The following FHIT variants were observed in gnomAD, a reference collection of about 807,000 sequenced individuals.
The protein encoded by FHIT is fragile histidine triad diadenosine triphosphatase.
A neutral mutation model predicts 17.9 loss-of-function variants in FHIT; 19 were observed. That is an observed-to-expected ratio of 1.06 (90% CI 0.74 to 1.56). The LOEUF is 1.56. FHIT is among the 40% of genes most tolerant of loss of function. FHIT has a pLI of 0.00. For synonymous variants in FHIT, 81 were observed against 69.7 expected, an observed-to-expected ratio of 1.16 and a Z score of -0.81; for missense variants, 248 against 189.2, an observed-to-expected ratio of 1.31 and a Z score of -1.82.
intron 2 of FHIT, among the ~76,000 whole-genome samples, chr3:61,183,856 C>A (rs939171626): frequency 6.6e-6 from 1 of 151,904 alleles, no homozygotes; most frequent in African/African-American, 2.4e-5. Flanking sequence ...GTTAGCAGGT[C>A]TCGGTGGCAT....
At chr3:59,956,829 G>A (rs1707426483) in intron 7 of FHIT, among the ~76,000 whole-genome samples, 1 of 152,126 alleles carries the variant, frequency 6.6e-6, no homozygotes, top group African/African-American at 2.4e-5. Flanking sequence ...AAAACACTCA[G>A]TAAACATTAT....
Position 59,905,416 on chromosome 3 carries a change from T to G in FHIT, c.348+16930A>C, listed in dbSNP as rs1166605679. Reference sequence around the variant, plus strand: ...GGGAACATTTTATGGTAGAAGGGCATGCACTCTGTTATCAGATAAATTAAG... The same window carrying G: ...GGGAACATTTTATGGTAGAAGGGCAGGCACTCTGTTATCAGATAAATTAAG... On this transcript the variant is annotated intron_variant, in intron 8 of 9. Transcript: ENST00000492590. Among the ~76,000 whole-genome samples the G allele has an allele frequency of 2.0e-5, 3 of 152,214 alleles. No homozygotes were observed. In the East Asian group the frequency reaches 5.8e-4, roughly 29 times the overall value.
chr3:61,203,166 C>T (rs563150283), intron 1 of FHIT, among the ~76,000 whole-genome samples: 9 of 114,028 alleles, frequency 7.9e-5, no homozygotes, highest in Admixed American at 5.8e-4. Flanking sequence ...GGCAACAGAG[C>T]GAGACTCCGT....
At chr3:60,895,860 T>A (rs1553761820) in intron 3 of FHIT, among the ~76,000 whole-genome samples, 1 of 151,538 alleles carries the variant, frequency 6.6e-6, no homozygotes, top group Non-Finnish European at 1.5e-5. Context: ...CACAACAAAA[T>A]GTTCCAGGCT....
At chr3:60,992,612 G>A (rs774035030) in intron 3 of FHIT, among the ~76,000 whole-genome samples, 13 of 152,144 alleles carry the variant, frequency 8.5e-5, no homozygotes, top group Non-Finnish European at 1.2e-4. Flanking sequence ...GAAAAAGCTC[G>A]GCTTAGCAGC....
Position 60,478,631 on chromosome 3 carries a change from A to C in FHIT, c.103+58229T>G, listed in dbSNP as rs557093541. Among the ~76,000 whole-genome samples the C allele has an allele frequency of 8.5e-5, 13 of 152,256 alleles. No individual in the cohort carries two copies. The East Asian group carries it at 2.5e-3, about 29-fold the overall frequency. ...AGCAGCAGGGTAAGGATGCCACTAA[A>C]ATCACCACCATTTATGTGCCAGGCA... On this transcript the variant is annotated intron_variant, in intron 5 of 9. Coordinates refer to ENST00000492590, the MANE Select transcript of FHIT (RefSeq NM_002012.4).
intron 7 of FHIT, among the ~76,000 whole-genome samples, chr3:59,992,669 G>A (rs1187972225): frequency 6.6e-6 from 1 of 152,046 alleles, no homozygotes; most frequent in Non-Finnish European, 1.5e-5. Context: ...CCTGCTTTGT[G>A]CCTCCTTAAT....
chr3:60,473,900 G>A (rs753226776), intron 5 of FHIT, among the ~76,000 whole-genome samples: 3 of 150,974 alleles, frequency 2.0e-5, no homozygotes, highest in Non-Finnish European at 4.4e-5. Context: ...TCTGGCCTGG[G>A]TGACAGAGCG....
At chr3:59,830,687 C>G (rs1430135291) in intron 8 of FHIT, among the ~76,000 whole-genome samples, 1 of 152,186 alleles carries the variant, frequency 6.6e-6, no homozygotes, top group Non-Finnish European at 1.5e-5. Flanking sequence ...TAAATTCCCT[C>G]ATTATCTGTG....
At chr3:59,953,994 G>T (rs1053122836) in intron 7 of FHIT, among the ~76,000 whole-genome samples, 1 of 152,184 alleles carries the variant, frequency 6.6e-6, no homozygotes, top group African/African-American at 2.4e-5. Flanking sequence ...TGCCCAGATG[G>T]GAGGAATTTG....
rs537520755 is a variant in FHIT, at chr3:60,830,277, T to G, written c.-110-8266A>C. 1.9e-4 allele frequency among the ~76,000 whole-genome samples: 29 copies of G among 152,004 alleles called. No individual in the cohort carries two copies. In the South Asian group the frequency reaches 6.0e-3, roughly 32 times the overall value. On this transcript the variant is annotated intron_variant, in intron 3 of 9. Transcript: ENST00000492590. ...GGACCATAAAGGGTAAAGAGAAAAT[T>G]ATTTTTCCTTCCCTACACTTACTTT...
At chr3:60,335,469 A>G (rs528846917) in intron 5 of FHIT, among the ~76,000 whole-genome samples, 65 of 152,320 alleles carry the variant, frequency 4.3e-4, no homozygotes, top group Non-Finnish European at 9.1e-4. Flanking sequence ...CATCATTTAC[A>G]TGGGCAAACA....
intron 3 of FHIT, among the ~76,000 whole-genome samples, chr3:60,964,706 G>A (rs1709629192): frequency 6.6e-6 from 1 of 152,172 alleles, no homozygotes; most frequent in African/African-American, 2.4e-5. Context: ...TAGTTTGGCT[G>A]GATATGAAAT....
At chr3:60,945,547 C>T (rs980500026) in intron 3 of FHIT, among the ~76,000 whole-genome samples, 2 of 152,154 alleles carry the variant, frequency 1.3e-5, no homozygotes, top group African/African-American at 2.4e-5. Flanking sequence ...CATCCATCAC[C>T]ATGCCCCGCT....
intron 5 of FHIT, among the ~76,000 whole-genome samples, chr3:60,495,097 C>CA (rs1306533821): frequency 5.3e-5 from 8 of 152,136 alleles, no homozygotes; most frequent in African/African-American, 1.9e-4. Context: ...CAACAGGGTA[C>CA]AAGGGTTCCC....
At chr3:60,134,724 T>A (rs1460819969) in intron 5 of FHIT, among the ~76,000 whole-genome samples, 1 of 152,172 alleles carries the variant, frequency 6.6e-6, no homozygotes, top group African/African-American at 2.4e-5. Flanking sequence ...AACATGCTCC[T>A]CCAAACATGG....
At chr3:60,714,425 T>G (rs1299819973) in intron 4 of FHIT, among the ~76,000 whole-genome samples, 1 of 152,122 alleles carries the variant, frequency 6.6e-6, no homozygotes, top group Non-Finnish European at 1.5e-5. Context: ...TGTTGGAAGT[T>G]CTGGCCAGGG....
chr3:59,790,072 A>C (rs935645052), intron 8 of FHIT, among the ~76,000 whole-genome samples: 6 of 152,202 alleles, frequency 3.9e-5, no homozygotes, highest in African/African-American at 1.4e-4. Flanking sequence ...ATGAGCAGCG[A>C]AATTCCTCTC....
chr3:60,137,613 C>T (rs1198979864), intron 5 of FHIT, among the ~76,000 whole-genome samples: 1 of 152,124 alleles, frequency 6.6e-6, no homozygotes, highest in East Asian at 1.9e-4. Context: ...GGAGACAAAG[C>T]TTGTCAGGCA....
Sources: gnomAD v4.1 joint callset for allele counts (sites outside exome capture counted in the v4.1 genomes callset) on GRCh38, gnomAD v4.1.1 for gene constraint, MANE v1.5 for transcripts, NCBI Gene and HGNC (gene_info 2026-07-23, HGNC 2026-07-21) for gene names.